The following SLC4A10 variants were observed in gnomAD, a reference collection of about 807,000 sequenced individuals.
The protein encoded by SLC4A10 is sodium-driven chloride bicarbonate exchanger.
A neutral mutation model predicts 137.7 loss-of-function variants in SLC4A10; 42 were observed. The ratio of observed to expected loss-of-function variants is 0.30; its 90% CI spans 0.24 to 0.39. SLC4A10 has a LOEUF of 0.39. Among genes scored for constraint, SLC4A10 ranks in the 10% least tolerant of loss-of-function variants. The pLI is 1.00. For missense variants in SLC4A10, 925 were observed against 1,355.0 expected (o/e 0.68, Z 4.98); for synonymous variants, 474 against 464.1 (o/e 1.02, Z -0.27).
chr2:161,689,263 G>T (rs770876806), intron 1 of SLC4A10, among the ~76,000 whole-genome samples: 3 of 152,066 alleles, frequency 2.0e-5, no homozygotes, highest in Non-Finnish European at 4.4e-5. Flanking sequence ...TTATGTCCTA[G>T]GCCTTCACAT....
rs115727566 is a variant in SLC4A10, at chr2:161,834,129, T to C, written c.278-5660T>C. Among the ~76,000 whole-genome samples, 141 of 152,358 alleles carry C rather than the reference T, an allele frequency of 9.3e-4. 1 individual carries two copies. The highest frequency in any genetic ancestry group is 3.2e-3 in the African/African-American group (132 of 41,590). Reference sequence around the variant, plus strand: ...TACATCCTCCAAATGGTAGTCCAGCTAAAGGGAGGCCTCAGGAATTTTTAT... The same window carrying C: ...TACATCCTCCAAATGGTAGTCCAGCCAAAGGGAGGCCTCAGGAATTTTTAT... On this transcript the variant is annotated intron_variant, in intron 3 of 26. Coordinates refer to ENST00000446997, the MANE Select transcript of SLC4A10 (RefSeq NM_001178015.2).
At chr2:161,639,274 G>T (rs1410470876) in intron 1 of SLC4A10, among the ~76,000 whole-genome samples, 1 of 151,966 alleles carries the variant, frequency 6.6e-6, no homozygotes, top group African/African-American at 2.4e-5. Flanking sequence ...AAACTCATTT[G>T]ATAAGGCCAG....
chr2:161,789,465 T>G (rs188964003), intron 2 of SLC4A10, among the ~76,000 whole-genome samples: 1 of 151,966 alleles, frequency 6.6e-6, no homozygotes, highest in Non-Finnish European at 1.5e-5. Context: ...ACCATTCAAC[T>G]GTAACTTTGA....
chr2:161,724,537 G>A (rs1163137918), intron 1 of SLC4A10, among the ~76,000 whole-genome samples: 3 of 152,166 alleles, frequency 2.0e-5, no homozygotes, highest in Non-Finnish European at 4.4e-5. Flanking sequence ...AATCTTTAGT[G>A]CAGCGTGCTA....
At chr2:161,714,727 C>T (rs1187575809) in intron 1 of SLC4A10, among the ~76,000 whole-genome samples, 3 of 152,000 alleles carry the variant, frequency 2.0e-5, no homozygotes, top group East Asian at 1.9e-4. Flanking sequence ...GATCCCATAT[C>T]TTCCACTTTA....
intron 1 of SLC4A10, among the ~76,000 whole-genome samples, chr2:161,666,712 G>A (rs1435412646): frequency 6.6e-6 from 1 of 151,580 alleles, no homozygotes; most frequent in African/African-American, 2.4e-5. Flanking sequence ...GAGTTCTTAA[G>A]GATTTGCTAT....
intron 10 of SLC4A10, among the ~76,000 whole-genome samples, chr2:161,886,419 A>C (rs1038402414): frequency 6.6e-6 from 1 of 152,140 alleles, no homozygotes; most frequent in African/African-American, 2.4e-5. Context: ...GTTCAATCTG[A>C]ATCTTGAGAG....
intron 1 of SLC4A10, among the ~76,000 whole-genome samples, chr2:161,700,588 A>T (rs1452176016): frequency 6.6e-6 from 1 of 152,164 alleles, no homozygotes; most frequent in African/African-American, 2.4e-5. Flanking sequence ...TTGCTAAACT[A>T]TGTTGATTGC....
chr2:161,821,947 G>A (rs553676860), intron 3 of SLC4A10, among the ~76,000 whole-genome samples: 103 of 152,192 alleles, frequency 6.8e-4, no homozygotes, highest in African/African-American at 2.2e-3. Flanking sequence ...ATTTCTTGTC[G>A]CTGAATAGAT....
intron 8 of SLC4A10, among the ~76,000 whole-genome samples, chr2:161,877,274 T>C (rs9678556): frequency 0.03 from 4,565 of 152,202 alleles, 93 homozygotes; most frequent in African/African-American, 0.049. Context: ...ATTATCAATA[T>C]AATTCATATT....
intron 1 of SLC4A10, among the ~76,000 whole-genome samples, chr2:161,665,763 C>G (rs1271765793): frequency 6.6e-6 from 1 of 151,078 alleles, no homozygotes; most frequent in African/African-American, 2.4e-5. Flanking sequence ...TAGAAATTGG[C>G]TTGTGTGATT....
intron 1 of SLC4A10, among the ~76,000 whole-genome samples, chr2:161,726,865 T>C (rs900444279): frequency 6.6e-6 from 1 of 152,214 alleles, no homozygotes; most frequent in Admixed American, 6.5e-5. Flanking sequence ...GCCGAGACTG[T>C]GCCACTGCAC....
intron 4 of SLC4A10, among the ~76,000 whole-genome samples, chr2:161,845,274 A>G (rs2059421826): frequency 6.6e-6 from 1 of 152,154 alleles, no homozygotes; most frequent in Non-Finnish European, 1.5e-5. Context: ...CTCTTTAACA[A>G]TATTCATTTA....
chr2:161,627,138 C>A (rs1265627577), intron 1 of SLC4A10, among the ~76,000 whole-genome samples: 1 of 152,062 alleles, frequency 6.6e-6, no homozygotes, highest in East Asian at 1.9e-4. Flanking sequence ...TTCAATAAAA[C>A]TTGCTATTAT....
chr2:161,879,501 T>C (rs1575419099), intron 9 of SLC4A10, among the ~76,000 whole-genome samples: 1 of 152,064 alleles, frequency 6.6e-6, no homozygotes, highest in Middle Eastern at 3.4e-3. Flanking sequence ...CTGCTTCATT[T>C]TAGGCACATT....
chr2:161,933,838 A>G (rs1433851036), intron 15 of SLC4A10, among the ~76,000 whole-genome samples: 1 of 152,184 alleles, frequency 6.6e-6, no homozygotes, highest in Non-Finnish European at 1.5e-5. Context: ...CTTTGGGTAC[A>G]TATCCAGTAG....
At chr2:161,716,328 G>A (rs988547867) in intron 1 of SLC4A10, among the ~76,000 whole-genome samples, 3 of 151,936 alleles carry the variant, frequency 2.0e-5, no homozygotes, top group African/African-American at 7.2e-5. Context: ...AAGTTCTTTA[G>A]TTTAATTAGA....
chr2:161,982,511 A>T (rs537357947), intron 26 of SLC4A10, among the ~76,000 whole-genome samples: 1 of 152,298 alleles, frequency 6.6e-6, no homozygotes, highest in East Asian at 1.9e-4. Context: ...TGGTAAAGTT[A>T]ATGAGAGGGT....
Position 161,682,955 on chromosome 2 carries a change from T to C in SLC4A10, c.48+58389T>C, listed in dbSNP as rs150078912. Among the ~76,000 whole-genome samples the C allele has an allele frequency of 4.4e-3, 674 of 152,082 alleles. 5 individuals carry two copies. Among genetic ancestry groups the C allele is most frequent in the African/African-American group, 0.016 (644 of 41,526 alleles). On this transcript the variant is annotated intron_variant, in intron 1 of 26. Transcript: ENST00000446997. The stretch of plus-strand genomic sequence containing the variant: ...TAATATATAAATATCATAAAATGTA[T>C]ATGCAATATATAATTCATATGAAAT...
Sources: allele counts gnomAD v4.1 joint callset (sites outside exome capture counted in the v4.1 genomes callset), GRCh38; gene constraint gnomAD v4.1.1; transcripts MANE v1.5; gene names NCBI Gene and HGNC (gene_info 2026-07-23, HGNC 2026-07-21).